The following CD28 variants were observed in gnomAD, a reference collection of about 807,000 sequenced individuals.
CD28 encodes CD28 molecule, also known as T-cell-specific surface glycoprotein CD28.
CD28 carries 8 observed loss-of-function variants against 21.4 expected under a neutral mutation model. That is an observed-to-expected ratio of 0.37 (90% CI 0.22 to 0.68). The LOEUF (loss-of-function observed/expected upper bound fraction) is 0.68. CD28 is among the 30% of genes least tolerant of loss of function. CD28 has a pLI of 0.55. For missense variants in CD28, 239 were observed against 272.2 expected (o/e 0.88, Z 0.86); for synonymous variants, 106 against 104.0 (o/e 1.02, Z -0.12).
rs75899942 is a variant in CD28, at chr2:203,726,852, G to A, written c.272G>A (p.Gly91Asp). The change falls in exon 2 of 4, where the codon GGC becomes GAC. Residue 91 changes from glycine to aspartate, a missense_variant. Gly to Asp is a moderately conservative substitution (Grantham distance 94). Around this residue, in one of 3 missense-constraint regions of CD28, gnomAD observed 104 missense variants for 108.5 expected, o/e 0.96. Coordinates refer to ENST00000324106, the MANE Select transcript of CD28 (RefSeq NM_006139.4). The part of the protein sequence containing the change: ...KTGFNCDGKL[G>D]NESVTFYLQN... ...GGGTTCAACTGTGATGGGAAATTGG[G>A]CAATGAATCAGTGACATTCTACCTC... is the stretch of plus-strand genomic sequence containing the variant. 55 of 1,614,046 alleles carry A rather than the reference G, an allele frequency of 3.4e-5. No homozygotes were observed. In the African/African-American group the frequency reaches 6.9e-4, roughly 20 times the overall value.
intron 1 of CD28, among the ~76,000 whole-genome samples, chr2:203,722,992 C>G: frequency 6.6e-6 from 1 of 152,174 alleles, no homozygotes; most frequent in East Asian, 1.9e-4. Context: ...ACTAGAGAAA[C>G]TTAAAAAATA....
chr2:203,725,594 G>T (rs1040936906), intron 1 of CD28, among the ~76,000 whole-genome samples: 12 of 152,070 alleles, frequency 7.9e-5, no homozygotes, highest in African/African-American at 2.7e-4. Context: ...CTAGTTTCAG[G>T]TTCTTTGCTT....
chr2:203,724,060 A>T (rs1253324708), intron 1 of CD28, among the ~76,000 whole-genome samples: 1 of 152,248 alleles, frequency 6.6e-6, no homozygotes, highest in Non-Finnish European at 1.5e-5. Flanking sequence ...GGTGCATGCA[A>T]CAACATGGAT....
chr2:203,720,953 C>G (rs1248107215), intron 1 of CD28, among the ~76,000 whole-genome samples: 3 of 152,148 alleles, frequency 2.0e-5, no homozygotes, highest in Non-Finnish European at 4.4e-5. Flanking sequence ...ATTTTGAGGT[C>G]CTGTGAGATA....
Position 203,737,844 on chromosome 2 carries a change from T to C in CD28, c.*2932T>C, listed in dbSNP as rs1269002975. 6.6e-6 allele frequency: 1 copy of C among 152,658 alleles called. No homozygotes were observed. Among genetic ancestry groups the C allele is most frequent in the African/African-American group, 2.4e-5 (1 of 41,460 alleles). 9.5% of individuals were successfully genotyped at this position (152,658 alleles called of 1,614,324 possible). ...AATTACTAAACTACTATATGTCTGC[T>C]TTAAATTTGTACTTTAATATTGTCT... On this transcript the variant is annotated 3_prime_UTR_variant, in exon 4 of 4. Transcript: ENST00000324106.
At chr2:203,726,366 TG>T (rs1246954594) in intron 1 of CD28, among the ~76,000 whole-genome samples, 1 of 152,210 alleles carries the variant, frequency 6.6e-6, no homozygotes, top group Non-Finnish European at 1.5e-5. Flanking sequence ...TGCCTAGCTG[TG>T]GTGCTCAATG....
chr2:203,718,454 C>T (rs1209872028), intron 1 of CD28, among the ~76,000 whole-genome samples: 5 of 152,218 alleles, frequency 3.3e-5, no homozygotes, highest in Admixed American at 3.3e-4. Flanking sequence ...TCACAAATAT[C>T]ACAGGGCAAA....
intron 1 of CD28, among the ~76,000 whole-genome samples, chr2:203,709,490 A>T (rs918187327): frequency 6.6e-6 from 1 of 152,218 alleles, no homozygotes; most frequent in African/African-American, 2.4e-5. Context: ...TATGAGTTGG[A>T]TGACAGTGTA....
At position 203,738,229 on chromosome 2, in the gene CD28, C is replaced by G. The variant is rs1694091216; in HGVS notation, c.*3317C>G. The G allele has an allele frequency of 6.6e-6, 1 of 152,146 alleles. No homozygotes were observed. Among genetic ancestry groups the G allele is most frequent in the South Asian group, 2.1e-4 (1 of 4,812 alleles). The allele number at this position is 152,146 out of a possible 1,614,324, so 9.4% of individuals were successfully genotyped here. A position where few individuals can be genotyped will look rare whatever the true frequency, so the allele number is the denominator to read the frequency against. Reference sequence around the variant, plus strand: ...GGGTTAACTAACTGAGCCACCGGTCCTCATGGCTATTTTAATGAGGGTATT... The same window carrying G: ...GGGTTAACTAACTGAGCCACCGGTCGTCATGGCTATTTTAATGAGGGTATT... On this transcript the variant is annotated 3_prime_UTR_variant, in exon 4 of 4. Coordinates refer to ENST00000324106, the MANE Select transcript of CD28 (RefSeq NM_006139.4).
At chr2:203,723,097 G>C (rs1486816883) in intron 1 of CD28, among the ~76,000 whole-genome samples, 2 of 152,176 alleles carry the variant, frequency 1.3e-5, no homozygotes, top group East Asian at 3.8e-4. Context: ...TTCTAAATAT[G>C]TTGTCAGGTG....
intron 1 of CD28, among the ~76,000 whole-genome samples, chr2:203,721,798 C>T (rs934910727): frequency 2.0e-5 from 3 of 152,104 alleles, no homozygotes; most frequent in African/African-American, 4.8e-5. Context: ...TGCCGTAGGA[C>T]GGGAATTGAG....
At position 203,734,797 on chromosome 2, in the gene CD28, G is replaced by A; in HGVS notation, c.548G>A (p.Arg183Lys). The A allele has an allele frequency of 1.2e-6, 2 of 1,614,212 alleles. No homozygotes were observed. The highest frequency in any genetic ancestry group is 1.7e-6 in the Non-Finnish European group (2 of 1,180,034). The change falls in exon 4 of 4, where the codon AGG (arginine) becomes AAG (lysine). Residue 183 changes from arginine (R) to lysine (K), a missense_variant. Transcript: ENST00000324106. ...TCTTTCCTGCAGGTGAGGAGTAAGAGGAGCAGGCTCCTGCACAGTGACTAC... is the reference window on the plus strand; with the variant it reads ...TCTTTCCTGCAGGTGAGGAGTAAGAAGAGCAGGCTCCTGCACAGTGACTAC... ...AFIIFWVRSKRSRLLHSDYMN... is the reference protein window; with the variant it reads ...AFIIFWVRSKKSRLLHSDYMN...
rs1163038819 is a variant in CD28 at position 203,727,514 on chromosome 2, C to T, written c.409+525C>T. Among the ~76,000 whole-genome samples, 3 of 148,442 alleles carry T rather than the reference C, an allele frequency of 2.0e-5. 1 individual carries two copies. In the South Asian group the frequency reaches 6.3e-4, roughly 31 times the overall value. On this transcript the variant is annotated intron_variant, in intron 2 of 3. Transcript: ENST00000324106. ...TTTTTTTTTGAGACGGACTCTCGCT[C>T]TGTCGCCCAGGCTGGAGTGCAGTGG...
At chr2:203,731,853 C>T (rs1048698928) in intron 3 of CD28, among the ~76,000 whole-genome samples, 2 of 152,150 alleles carry the variant, frequency 1.3e-5, no homozygotes, top group South Asian at 2.1e-4. Context: ...TACAGACCCC[C>T]TGTGAATTGG....
chr2:203,721,866 C>T (rs1045192102), intron 1 of CD28, among the ~76,000 whole-genome samples: 5 of 152,216 alleles, frequency 3.3e-5, no homozygotes, highest in African/African-American at 1.2e-4. Context: ...AGGAACATGT[C>T]ACACCCTGAG....
At chr2:203,732,136 C>T (rs1435468576) in intron 3 of CD28, among the ~76,000 whole-genome samples, 1 of 152,092 alleles carries the variant, frequency 6.6e-6, no homozygotes, top group African/African-American at 2.4e-5. Flanking sequence ...TTTCTGAGAT[C>T]CTATTTTTGG....
chr2:203,709,188 C>G (rs1359663127), intron 1 of CD28, among the ~76,000 whole-genome samples: 3 of 152,008 alleles, frequency 2.0e-5, no homozygotes, highest in Admixed American at 6.5e-5. Flanking sequence ...TCTGTACACA[C>G]CTTCCATTAA....
At chr2:203,724,394 C>T (rs1466457807) in intron 1 of CD28, among the ~76,000 whole-genome samples, 3 of 152,158 alleles carry the variant, frequency 2.0e-5, no homozygotes, top group South Asian at 4.2e-4. Context: ...TGAATTATAT[C>T]TCAATAAAGT....
intron 1 of CD28, among the ~76,000 whole-genome samples, chr2:203,709,269 T>C (rs1239701268): frequency 1.3e-5 from 2 of 152,294 alleles, no homozygotes; most frequent in East Asian, 1.9e-4. Context: ...ACCACTGTTA[T>C]GCCTGTGTTG....
Sources: gnomAD v4.1 joint callset for allele counts (sites outside exome capture counted in the v4.1 genomes callset) on GRCh38, gnomAD v4.1.1 for gene constraint, gnomAD v4.1.1 regional missense constraint, MANE v1.5 for transcripts, NCBI Gene and HGNC (gene_info 2026-07-23, HGNC 2026-07-21) for gene names.